PRDM10: variants seen among roughly 807,000 people sequenced by gnomAD.
PRDM10 encodes the protein PR/SET domain 10.
A neutral mutation model predicts 133.1 loss-of-function variants in PRDM10; 65 were observed. That is an observed-to-expected ratio of 0.49 (90% CI 0.40 to 0.60). PRDM10 has a LOEUF of 0.60. PRDM10 is among the 20% of genes least tolerant of loss of function. The pLI is 0.00. For synonymous variants in PRDM10, 582 were observed against 580.4 expected (o/e 1.00, Z -0.04); for missense variants, 1,137 against 1,507.1 (o/e 0.75, Z 4.07).
chr11:129,964,929 T>C (rs1951873570), intron 1 of PRDM10, among the ~76,000 whole-genome samples: 1 of 152,218 alleles, frequency 6.6e-6, no homozygotes, highest in South Asian at 2.1e-4. Flanking sequence ...ACATAGTAGG[T>C]GATTAAATAT....
rs769772462 is a variant in PRDM10 at position 129,944,980 on chromosome 11, C to A, written c.553G>T (p.Val185Leu). The A allele has an allele frequency of 4.3e-6, 7 of 1,612,648 alleles. No individual in the cohort carries two copies. In the African/African-American group the frequency reaches 9.4e-5, roughly 22 times the overall value. Residue 185 changes from valine (V) to leucine (L), a missense_variant, in exon 6 of 21, where the codon GTG (valine) becomes TTG (leucine). Transcript: ENST00000360871. ...TGCAAGGGGCCGTGCTTCGGACACA[C>A]TGAAGCATGCGCGTTATTGCACTCC... The part of the protein sequence containing the change: ...CEECNNAHAS[V>L]CPKHGPLHPI...
intron 1 of PRDM10, among the ~76,000 whole-genome samples, chr11:129,964,592 G>T (rs1251212020): frequency 6.6e-6 from 1 of 152,140 alleles, no homozygotes; most frequent in Admixed American, 6.5e-5. Context: ...TTTGTCCCAT[G>T]TAATATCATA....
chr11:129,948,999 A>T (rs1951508020), intron 4 of PRDM10, among the ~76,000 whole-genome samples: 1 of 152,190 alleles, frequency 6.6e-6, no homozygotes, highest in South Asian at 2.1e-4. Flanking sequence ...TTTTGCATTT[A>T]TCTCCAGTAA....
intron 1 of PRDM10, among the ~76,000 whole-genome samples, chr11:129,967,931 A>G (rs1951940763): frequency 6.6e-6 from 1 of 151,800 alleles, no homozygotes; most frequent in Non-Finnish European, 1.5e-5. Context: ...CTCACCATCC[A>G]CCAGCCTCCC....
Position 129,900,740 on chromosome 11 carries a change from AAG to A in PRDM10, c.*1571_*1572del, listed in dbSNP as rs1223290974. On this transcript the variant is annotated 3_prime_UTR_variant, in exon 21 of 21. Coordinates refer to ENST00000360871, the MANE Select transcript of PRDM10 (RefSeq NM_199437.2). ...TTTTCTGTTGAATATCTTTGTCACA[AAG>A]AGAGTCCATTTTCAGTTTCCATATG... is the stretch of plus-strand genomic sequence containing the variant. 6.6e-6 allele frequency: 1 copy of A among 152,210 alleles called. No individual in the cohort carries two copies. Among genetic ancestry groups the A allele is most frequent in the Non-Finnish European group, 1.5e-5 (1 of 68,044 alleles). 9.4% of individuals were successfully genotyped at this position (152,210 alleles called of 1,614,324 possible).
At chr11:129,943,008 G>A (rs768655989) in intron 6 of PRDM10, among the ~76,000 whole-genome samples, 8 of 152,164 alleles carry the variant, frequency 5.3e-5, no homozygotes, top group Non-Finnish European at 1.2e-4. Flanking sequence ...GCAGCCCAGG[G>A]ATAGGCATTT....
chr11:129,978,296 G>A (rs1047735341), intron 1 of PRDM10, among the ~76,000 whole-genome samples: 1 of 152,154 alleles, frequency 6.6e-6, no homozygotes, highest in African/African-American at 2.4e-5. Flanking sequence ...TCCAGATGAT[G>A]TGAGTTTATG....
intron 7 of PRDM10, among the ~76,000 whole-genome samples, chr11:129,940,729 T>C (rs1327621978): frequency 6.6e-6 from 1 of 152,228 alleles, no homozygotes; most frequent in Non-Finnish European, 1.5e-5. Context: ...ACTATTTGTT[T>C]CCTCCTCCAG....
intron 1 of PRDM10, among the ~76,000 whole-genome samples, chr11:129,994,932 C>T (rs913420044): frequency 1.8e-4 from 28 of 152,112 alleles, no homozygotes; most frequent in African/African-American, 6.5e-4. Context: ...GGATTACAGG[C>T]GTGAGCCACT....
chr11:129,930,909 G>A, intron 11 of PRDM10, 107 bp downstream of exon 11: 1 of 1,446,074 alleles, frequency 6.9e-7, no homozygotes, highest in Non-Finnish European at 9.2e-7. Context: ...CAGGCTAGAT[G>A]CAAGATTTCA....
intron 1 of PRDM10, among the ~76,000 whole-genome samples, chr11:129,963,470 C>T (rs1183604754): frequency 7.5e-6 from 1 of 132,630 alleles, no homozygotes; most frequent in African/African-American, 2.6e-5. Flanking sequence ...ATAACATGTT[C>T]CATGTAGGAA....
At chr11:129,949,866 G>A (rs899967452) in intron 4 of PRDM10, among the ~76,000 whole-genome samples, 1 of 151,770 alleles carries the variant, frequency 6.6e-6, no homozygotes, top group Admixed American at 6.6e-5. Context: ...CCCAGGAGGC[G>A]GAGGTTGCAG....
intron 1 of PRDM10, among the ~76,000 whole-genome samples, chr11:129,999,396 C>T (rs1429526273): frequency 6.6e-6 from 1 of 152,154 alleles, no homozygotes; most frequent in Non-Finnish European, 1.5e-5. Flanking sequence ...CTTCATTAAT[C>T]TATTAAAGTA....
chr11:129,904,407 T>C (rs1321780788), intron 20 of PRDM10, among the ~76,000 whole-genome samples: 1 of 152,332 alleles, frequency 6.6e-6, no homozygotes, highest in South Asian at 2.1e-4. Flanking sequence ...TTATCTATAC[T>C]ATGTTAACAG....
In PRDM10 at chr11:129,961,950, T is replaced by C. The variant is rs114225183; in HGVS notation, c.-118-868A>G. 9.8e-3 allele frequency among the ~76,000 whole-genome samples: 1,490 copies of C among 152,258 alleles called. 25 individuals are homozygous for C. Among genetic ancestry groups the C allele is most frequent in the African/African-American group, 0.034 (1,420 of 41,548 alleles). On this transcript the variant is annotated intron_variant, in intron 1 of 20. Coordinates refer to ENST00000360871, the MANE Select transcript of PRDM10 (RefSeq NM_199437.2). ...CAGATGCCAAATGCAGGCTCTTTCC[T>C]TGTAGACACTAACTTCCCATACCAC...
intron 1 of PRDM10, among the ~76,000 whole-genome samples, chr11:130,002,204 G>A (rs935679379): frequency 6.8e-6 from 1 of 147,944 alleles, no homozygotes; most frequent in African/African-American, 2.4e-5. Context: ...GCCGCGCCCG[G>A]AGCGCCCGCG....
chr11:129,902,166 C>T lies in PRDM10; in HGVS notation c.*147G>A. 1 of 1,132,642 alleles carries T rather than the reference C, an allele frequency of 8.8e-7. No individual in the cohort carries two copies. Among genetic ancestry groups the T allele is most frequent in the East Asian group, 2.6e-5 (1 of 38,050 alleles). 70.2% of individuals were successfully genotyped at this position (1,132,642 alleles called of 1,614,324 possible). ...ATAAAGATGACCTTGGCAAAATAAA[C>T]CCCAGTGTATGGATGAGAGACAAAA... On this transcript the variant is annotated 3_prime_UTR_variant, in exon 21 of 21. Coordinates refer to ENST00000360871, the MANE Select transcript of PRDM10 (RefSeq NM_199437.2).
At position 129,960,976 on chromosome 11, in the gene PRDM10, TGGACA is replaced by T; in HGVS notation, c.-17_-13del. 1 of 1,613,984 alleles carries T rather than the reference TGGACA, an allele frequency of 6.2e-7. No individual in the cohort carries two copies. Among genetic ancestry groups the T allele is most frequent in the Non-Finnish European group, 8.5e-7 (1 of 1,179,946 alleles). On this transcript the variant is annotated 5_prime_UTR_variant, in exon 2 of 21. Coordinates refer to ENST00000360871, the MANE Select transcript of PRDM10 (RefSeq NM_199437.2). ...TCTTTGGAATCCATCTTCTCCCAAC[TGGACA>T]GCTCCACGTCTGGCACACCTAGAGC...
At chr11:129,917,353 C>A in intron 14 of PRDM10, 116 bp from the exon 15 acceptor site, 2 of 747,486 alleles carry the variant, frequency 2.7e-6, no homozygotes, top group Non-Finnish European at 4.3e-6. Flanking sequence ...GCAATGCCCC[C>A]AAATAATAAG....
Sources: allele counts gnomAD v4.1 joint callset (sites outside exome capture counted in the v4.1 genomes callset), GRCh38; gene constraint gnomAD v4.1.1; transcripts MANE v1.5; gene names NCBI Gene and HGNC (gene_info 2026-07-23, HGNC 2026-07-21).